THSD7B: variants seen among roughly 807,000 people sequenced by gnomAD.
THSD7B encodes the protein thrombospondin type 1 domain containing 7B.
THSD7B carries 138 observed loss-of-function variants against 213.6 expected under a neutral mutation model. That is an observed-to-expected ratio of 0.65 (90% CI 0.56 to 0.74). THSD7B has a LOEUF of 0.74. THSD7B is among the 30% of genes least tolerant of loss of function. The probability of loss-of-function intolerance (pLI) is 0.00; values close to 1 mark genes in which losing one functional copy is unlikely to be tolerated. For synonymous variants in THSD7B, 742 were observed against 687.0 expected, an observed-to-expected ratio of 1.08 and a Z score of -1.25; for missense variants, 1,931 against 1,991.5, an observed-to-expected ratio of 0.97 and a Z score of 0.58.
At chr2:137,393,390 T>C (rs1245564195) in intron 12 of THSD7B, among the ~76,000 whole-genome samples, 2 of 148,924 alleles carry the variant, frequency 1.3e-5, no homozygotes, top group Admixed American at 6.7e-5. Context: ...AATTCCCACC[T>C]ATGAGTGAGA....
At chr2:137,379,324 C>G (rs74486916) in intron 12 of THSD7B, among the ~76,000 whole-genome samples, 2 of 152,194 alleles carry the variant, frequency 1.3e-5, no homozygotes, top group Non-Finnish European at 2.9e-5. Flanking sequence ...AGCCACGCAG[C>G]TTTGCATATG....
At chr2:136,848,352 G>T (rs910790192) in intron 1 of THSD7B, among the ~76,000 whole-genome samples, 1 of 152,094 alleles carries the variant, frequency 6.6e-6, no homozygotes, top group South Asian at 2.1e-4. Flanking sequence ...GAATTAGTAG[G>T]GCTGGGATCT....
chr2:136,870,560 C>T (rs1683415873), intron 1 of THSD7B, among the ~76,000 whole-genome samples: 1 of 152,190 alleles, frequency 6.6e-6, no homozygotes, highest in Non-Finnish European at 1.5e-5. Flanking sequence ...AAACAACAAA[C>T]TAAACATCTA....
At chr2:136,879,396 G>T (rs551017009) in intron 1 of THSD7B, among the ~76,000 whole-genome samples, 1 of 152,292 alleles carries the variant, frequency 6.6e-6, no homozygotes, top group South Asian at 2.1e-4. Flanking sequence ...ACTTGGCAAT[G>T]TGTGCTCTTT....
intron 2 of THSD7B, among the ~76,000 whole-genome samples, chr2:136,902,046 G>A (rs537309968): frequency 1.3e-5 from 2 of 152,324 alleles, no homozygotes; most frequent in Admixed American, 1.3e-4. Flanking sequence ...TCGATACCCT[G>A]GGCTGGCCCA....
At chr2:137,604,024 T>C (rs13019688) in intron 17 of THSD7B, among the ~76,000 whole-genome samples, 9,687 of 152,076 alleles carry the variant, frequency 0.064, 437 homozygotes, top group Non-Finnish European at 0.1. Context: ...GGCAGGAGAA[T>C]TGCTTGAACC....
At chr2:136,877,125 G>A (rs897212728) in intron 1 of THSD7B, among the ~76,000 whole-genome samples, 4 of 152,016 alleles carry the variant, frequency 2.6e-5, no homozygotes, top group Non-Finnish European at 5.9e-5. Flanking sequence ...TTCCAGAAAA[G>A]GACTCTTGGT....
At chr2:137,540,922 A>G (rs143824989) in intron 15 of THSD7B, among the ~76,000 whole-genome samples, 11 of 151,714 alleles carry the variant, frequency 7.3e-5, no homozygotes, top group Non-Finnish European at 1.6e-4. Flanking sequence ...TTAGGAAAGC[A>G]CTGACAAGAC....
At position 137,282,328 on chromosome 2, in the gene THSD7B, C is replaced by T. The variant is rs1404433293; in HGVS notation, c.2500+6302C>T. On this transcript the variant is annotated intron_variant, in intron 12 of 27. Transcript: ENST00000409968. ...AGCCCTTTGTCAGATGAGTAGGTTG[C>T]AAAAGTTTTCTCCCGTTCTGTAGGT... 3.9e-5 allele frequency among the ~76,000 whole-genome samples: 6 copies of T among 152,090 alleles called. No homozygotes were observed. The East Asian group carries it at 1.2e-3, about 29-fold the overall frequency.
chr2:137,656,276 CA>C lies in THSD7B; in HGVS notation c.4106-512del, dbSNP rs201379589. 4.4e-3 allele frequency among the ~76,000 whole-genome samples: 666 copies of C among 151,128 alleles called. 9 individuals are homozygous for C. The highest frequency in any genetic ancestry group is 0.028 in the South Asian group (131 of 4,754). ...TGTATGTATACACACATATGTATTACAAAAAAAATTATAATTTATATAAAGA... is the reference window on the plus strand; with the variant it reads ...TGTATGTATACACACATATGTATTACAAAAAAATTATAATTTATATAAAGA... On this transcript the variant is annotated intron_variant, in intron 22 of 27. Coordinates refer to ENST00000409968, the MANE Select transcript of THSD7B (RefSeq NM_001316349.2).
chr2:136,771,861 C>G (rs1224874066), intron 1 of THSD7B, among the ~76,000 whole-genome samples: 2 of 152,016 alleles, frequency 1.3e-5, no homozygotes, highest in East Asian at 3.9e-4. Context: ...GTAATAACAG[C>G]CATTTGAGGA....
chr2:137,031,988 C>T (rs1558893701), intron 2 of THSD7B, among the ~76,000 whole-genome samples: 3 of 152,076 alleles, frequency 2.0e-5, no homozygotes, highest in East Asian at 1.9e-4. Context: ...TACAGGCATG[C>T]TCCAACATGC....
At chr2:136,983,379 A>ACACACACACACACACACACACACACC (rs1250517745) in intron 2 of THSD7B, among the ~76,000 whole-genome samples, 1 of 148,882 alleles carries the variant, frequency 6.7e-6, no homozygotes, top group Non-Finnish European at 1.5e-5. Flanking sequence ...ACGCACACAC[A>ACACACACACACACACACACACACACC]CTCACTCTCT....
intron 1 of THSD7B, among the ~76,000 whole-genome samples, chr2:136,814,134 A>G (rs1305448813): frequency 6.6e-6 from 1 of 152,164 alleles, no homozygotes; most frequent in African/African-American, 2.4e-5. Context: ...CCTTTAGAGT[A>G]ATTATTGAAT....
chr2:137,248,430 A>G (rs1682091547), intron 10 of THSD7B, among the ~76,000 whole-genome samples: 2 of 152,300 alleles, frequency 1.3e-5, no homozygotes, highest in Middle Eastern at 3.4e-3. Context: ...TGAATGAATA[A>G]ATAGACACAT....
At chr2:137,285,468 A>G (rs2602345) in intron 12 of THSD7B, among the ~76,000 whole-genome samples, 100,155 of 151,906 alleles carry the variant, frequency 0.66, 34,163 homozygotes, top group East Asian at 0.94. Flanking sequence ...TATTTGGCTC[A>G]TTAGTTGATG....
chr2:136,766,176 C>T (rs1249610463), intron 1 of THSD7B, among the ~76,000 whole-genome samples: 1 of 152,176 alleles, frequency 6.6e-6, no homozygotes, highest in African/African-American at 2.4e-5. Flanking sequence ...GTTTCCTTTC[C>T]CGTAGCGCTG....
chr2:136,863,572 C>T lies in THSD7B; in HGVS notation c.-35-18572C>T, dbSNP rs185295865. ...ATGAAATCAGCCGAAAGATGGCTGT[C>T]GCAGTGACTATCATTGTGATGGAAT... On this transcript the variant is annotated intron_variant, in intron 1 of 27. Coordinates refer to ENST00000409968, the MANE Select transcript of THSD7B (RefSeq NM_001316349.2). Among the ~76,000 whole-genome samples the T allele has an allele frequency of 4.5e-3, 682 of 152,238 alleles. 5 individuals carry two copies. Among genetic ancestry groups the T allele is most frequent in the Non-Finnish European group, 7.9e-3 (539 of 68,002 alleles).
At chr2:136,854,326 T>G (rs958983586) in intron 1 of THSD7B, among the ~76,000 whole-genome samples, 2 of 152,154 alleles carry the variant, frequency 1.3e-5, no homozygotes, top group African/African-American at 4.8e-5. Flanking sequence ...CAGTTGAAAA[T>G]TTTGGGATTC....
Sources: allele counts gnomAD v4.1 joint callset (sites outside exome capture counted in the v4.1 genomes callset), GRCh38; gene constraint gnomAD v4.1.1; transcripts MANE v1.5; gene names NCBI Gene and HGNC (gene_info 2026-07-23, HGNC 2026-07-21).